FRMD4B: variants seen among roughly 807,000 people sequenced by gnomAD.
FRMD4B encodes FERM domain containing 4B, also known as FERM domain-containing protein 4B.
Under a neutral mutation model 141.5 loss-of-function variants are expected in FRMD4B, and 74 were observed. That is an observed-to-expected ratio of 0.52 (90% CI 0.43 to 0.63). The LOEUF is 0.63. FRMD4B is among the 30% of genes least tolerant of loss of function. FRMD4B has a pLI of 0.00. For synonymous variants in FRMD4B, 506 were observed against 467.9 expected (o/e 1.08, Z -1.05); for missense variants, 1,366 against 1,253.4 (o/e 1.09, Z -1.36).
At chr3:69,250,376 C>A in intron 5 of FRMD4B, 1 of 276,208 alleles carries the variant, frequency 3.6e-6, no homozygotes, top group South Asian at 1.1e-4. Context: ...CAGGAAGAAA[C>A]GGGAATGACT....
At chr3:69,414,260 C>T (rs1211785891) in intron 2 of FRMD4B, among the ~76,000 whole-genome samples, 4 of 152,008 alleles carry the variant, frequency 2.6e-5, no homozygotes, top group African/African-American at 9.7e-5. Flanking sequence ...AATCAAGGTG[C>T]TGCTTTAACA....
intron 1 of FRMD4B, among the ~76,000 whole-genome samples, chr3:69,329,304 C>T (rs1236708663): frequency 2.6e-5 from 4 of 151,954 alleles, no homozygotes; most frequent in East Asian, 3.9e-4. Context: ...TAGAACTTGG[C>T]GAACAGAGGC....
intron 1 of FRMD4B, among the ~76,000 whole-genome samples, chr3:69,374,399 T>G (rs1295209971): frequency 6.6e-6 from 1 of 152,170 alleles, no homozygotes; most frequent in Non-Finnish European, 1.5e-5. Context: ...AATAAGCATC[T>G]AATCGAATTT....
chr3:69,336,476 G>A (rs979774348), intron 1 of FRMD4B: 1 of 152,212 alleles, frequency 6.6e-6, no homozygotes, highest in African/African-American at 2.4e-5. Flanking sequence ...GATAATCTGG[G>A]GCTATATATA....
At chr3:69,263,537 G>A (rs1428523987) in intron 5 of FRMD4B, among the ~76,000 whole-genome samples, 1 of 150,486 alleles carries the variant, frequency 6.6e-6, no homozygotes, top group African/African-American at 2.4e-5. Flanking sequence ...CTTCCAAATA[G>A]CTGGGACTAA....
In FRMD4B at chr3:69,427,643, G is replaced by GTTTTTTTTTTTTTTTTTT. The variant is rs774316609; in HGVS notation, c.-1+4973_-1+4990dup. 1.1e-3 allele frequency among the ~76,000 whole-genome samples: 40 copies of GTTTTTTTTTTTTTTTTTT among 36,238 alleles called. 11 individuals carry two copies. Among genetic ancestry groups the GTTTTTTTTTTTTTTTTTT allele is most frequent in the Non-Finnish European group, 1.5e-3 (30 of 19,572 alleles). 23.8% of individuals were successfully genotyped at this position (36,238 alleles called of 152,430 possible). ...GTGTTTAGTAAGAAGCTAGGTAAAT[G>GTTTTTTTTTTTTTTTTTT]TTTTTTTTTTTTTTTTTTTTTTTTT... On this transcript the variant is annotated intron_variant, in intron 2 of 5. Coordinates refer to the FRMD4B transcript ENST00000459638.
At chr3:69,245,369 T>A (rs2093417045) in intron 7 of FRMD4B, among the ~76,000 whole-genome samples, 1 of 151,130 alleles carries the variant, frequency 6.6e-6, no homozygotes, top group African/African-American at 2.5e-5. Flanking sequence ...AGACAGAGTC[T>A]TGCTCTGTTG....
At chr3:69,210,556 A>C (rs2093065654) in intron 11 of FRMD4B, among the ~76,000 whole-genome samples, 1 of 152,168 alleles carries the variant, frequency 6.6e-6, no homozygotes, top group African/African-American at 2.4e-5. Context: ...AGGGAGGATT[A>C]AAAAGTAAAG....
intron 1 of FRMD4B, among the ~76,000 whole-genome samples, chr3:69,497,884 C>A (rs750817356): frequency 1.3e-5 from 2 of 152,200 alleles, no homozygotes; most frequent in Non-Finnish European, 2.9e-5. Flanking sequence ...CCATGTCTGG[C>A]TGAACTCTTT....
rs140084738 is a variant in FRMD4B at position 69,326,380 on chromosome 3, A to G, written c.163-12863T>C. ...TCATTCAATCTGATTTTTTCTAGTGATAATCAACAGACTAACTTACAACCA... is the reference window on the plus strand; with the variant it reads ...TCATTCAATCTGATTTTTTCTAGTGGTAATCAACAGACTAACTTACAACCA... On this transcript the variant is annotated intron_variant, in intron 1 of 22. Transcript: ENST00000398540. 6.3e-4 allele frequency among the ~76,000 whole-genome samples: 96 copies of G among 152,304 alleles called. No individual in the cohort carries two copies. In the East Asian group the frequency reaches 0.015, roughly 25 times the overall value.
chr3:69,503,538 G>C (rs1342307283), intron 1 of FRMD4B, among the ~76,000 whole-genome samples: 1 of 106,702 alleles, frequency 9.4e-6, no homozygotes, highest in Admixed American at 1.3e-4. Flanking sequence ...CCTGTTGTGG[G>C]GTGGGGGGAG....
At chr3:69,346,239 A>C (rs563739347) in intron 1 of FRMD4B, among the ~76,000 whole-genome samples, 2 of 152,230 alleles carry the variant, frequency 1.3e-5, no homozygotes, top group African/African-American at 4.8e-5. Context: ...GAGTGATTGA[A>C]GATTAAATGA....
At chr3:69,355,466 C>A (rs1703287174) in intron 1 of FRMD4B, among the ~76,000 whole-genome samples, 1 of 152,030 alleles carries the variant, frequency 6.6e-6, no homozygotes, top group Non-Finnish European at 1.5e-5. Context: ...TACATGGTAC[C>A]TTTTCTTACT....
chr3:69,220,203 C>T (rs2093180474), intron 9 of FRMD4B, among the ~76,000 whole-genome samples: 1 of 152,188 alleles, frequency 6.6e-6, no homozygotes, highest in East Asian at 1.9e-4. Context: ...CACAGTTAGG[C>T]TGTATGGTAT....
intron 5 of FRMD4B, among the ~76,000 whole-genome samples, chr3:69,265,538 G>C (rs13064426): frequency 1.4e-5 from 2 of 143,370 alleles, no homozygotes; most frequent in African/African-American, 5.2e-5. Context: ...AAGCTCCGCC[G>C]CCCGGTTCAC....
intron 16 of FRMD4B, among the ~76,000 whole-genome samples, chr3:69,194,233 C>T (rs1294775655): frequency 6.6e-6 from 1 of 152,210 alleles, no homozygotes; most frequent in Admixed American, 6.5e-5. Context: ...GTTTGATCTT[C>T]TTCCTGGTAA....
At chr3:69,518,871 G>T (rs1051428265) in intron 1 of FRMD4B, among the ~76,000 whole-genome samples, 2 of 152,184 alleles carry the variant, frequency 1.3e-5, no homozygotes, top group African/African-American at 4.8e-5. Flanking sequence ...CTGAGACCTG[G>T]ATGGACTCTT....
intron 1 of FRMD4B, among the ~76,000 whole-genome samples, chr3:69,318,241 T>C (rs1477749789): frequency 2.6e-5 from 4 of 152,112 alleles, no homozygotes; most frequent in Non-Finnish European, 5.9e-5. Context: ...TTCCAAAGTA[T>C]TGGGATTATA....
At chr3:69,434,523 C>T (rs1164567960) in intron 1 of FRMD4B, among the ~76,000 whole-genome samples, 2 of 152,064 alleles carry the variant, frequency 1.3e-5, no homozygotes, top group African/African-American at 4.8e-5. Flanking sequence ...CCCCAGAACC[C>T]AGGAATAGAA....
Sources: allele counts gnomAD v4.1 joint callset (sites outside exome capture counted in the v4.1 genomes callset), GRCh38; gene constraint gnomAD v4.1.1; transcripts MANE v1.5; gene names NCBI Gene and HGNC (gene_info 2026-07-23, HGNC 2026-07-21).